Variants in CDH18 observed in about 807,000 individuals in gnomAD.
CDH18 encodes cadherin 18.
A neutral mutation model predicts 67.9 loss-of-function variants in CDH18; 31 were observed. That is an observed-to-expected ratio of 0.46 (90% confidence interval 0.34 to 0.62). The LOEUF (loss-of-function observed/expected upper bound fraction) is 0.62, where lower values mean the gene tolerates loss of function less well. Among genes scored for constraint, CDH18 ranks in the 20% least tolerant of loss-of-function variants. CDH18 has a pLI of 0.01. For synonymous variants in CDH18, 362 were observed against 347.2 expected (o/e 1.04, Z -0.48); for missense variants, 890 against 975.5 (o/e 0.91, Z 1.17).
intron 3 of CDH18, among the ~76,000 whole-genome samples, chr5:19,834,235 A>G (rs1581563010): frequency 6.7e-6 from 1 of 150,126 alleles, no homozygotes; most frequent in African/African-American, 2.5e-5. Flanking sequence ...GACTTAACTT[A>G]TTCCTGGCTT....
chr5:20,493,390 A>G (rs1374836520), intron 1 of CDH18, among the ~76,000 whole-genome samples: 3 of 19,856 alleles, frequency 1.5e-4, no homozygotes, highest in African/African-American at 2.2e-4. Flanking sequence ...AAAAAAGCAA[A>G]GAATTTTTTG....
chr5:20,440,602 A>G (rs768832922), intron 1 of CDH18, among the ~76,000 whole-genome samples: 3 of 152,006 alleles, frequency 2.0e-5, no homozygotes, highest in Non-Finnish European at 2.9e-5. Flanking sequence ...TGCAATGTGG[A>G]GTCAGCAACA....
rs34517461 is a variant in CDH18, at chr5:19,475,192, GCACA to G, written c.1883-1480_1883-1477del. 2.5e-4 allele frequency among the ~76,000 whole-genome samples: 36 copies of G among 146,302 alleles called. No individual in the cohort carries two copies. The East Asian group carries it at 2.8e-3, about 11-fold the overall frequency. ...AAACGTGAATTTGAGATCAATAACAGCACACACACACACACACACACACACATGC... is the reference window on the plus strand; with the variant it reads ...AAACGTGAATTTGAGATCAATAACAGCACACACACACACACACACACATGC... On this transcript the variant is annotated intron_variant, in intron 12 of 12. Transcript: ENST00000382275.
At chr5:20,497,803 C>T (rs900153521) in intron 1 of CDH18, among the ~76,000 whole-genome samples, 1 of 152,104 alleles carries the variant, frequency 6.6e-6, no homozygotes, top group Non-Finnish European at 1.5e-5. Context: ...AAAGCATTTG[C>T]TATACTATGC....
At chr5:19,520,214 C>T (rs1746675658) in intron 10 of CDH18, among the ~76,000 whole-genome samples, 1 of 152,082 alleles carries the variant, frequency 6.6e-6, no homozygotes, top group African/African-American at 2.4e-5. Flanking sequence ...ATATACTCTT[C>T]ATGTTTCTAA....
intron 2 of CDH18, among the ~76,000 whole-genome samples, chr5:20,148,379 G>A (rs1413821798): frequency 3.3e-5 from 5 of 152,132 alleles, no homozygotes; most frequent in African/African-American, 4.8e-5. Context: ...TTACATGCGT[G>A]AGCCACCGTG....
At chr5:19,864,059 C>T (rs1381538992) in intron 2 of CDH18, among the ~76,000 whole-genome samples, 1 of 151,214 alleles carries the variant, frequency 6.6e-6, no homozygotes, top group East Asian at 1.9e-4. Context: ...AATCATGCTG[C>T]TATAAAGACA....
chr5:20,087,820 G>T (rs552115168), intron 2 of CDH18, among the ~76,000 whole-genome samples: 1 of 152,020 alleles, frequency 6.6e-6, no homozygotes, highest in Middle Eastern at 3.4e-3. Flanking sequence ...TTGTTGCAGT[G>T]GTCTGGAACA....
At chr5:20,360,090 ATATATTATATATAATTCTATAATATATG>A (rs1409169916) in intron 1 of CDH18, among the ~76,000 whole-genome samples, 47 of 25,350 alleles carry the variant, frequency 1.9e-3, no homozygotes, top group African/African-American at 3.5e-3. Context: ...AATATATGTT[ATATATTATATATAATTCTATAATATATG>A]TTATATATTA....
chr5:20,194,655 G>C (rs1738822005), intron 2 of CDH18, among the ~76,000 whole-genome samples: 1 of 86,518 alleles, frequency 1.2e-5, no homozygotes, highest in African/African-American at 7.4e-5. Flanking sequence ...AAACTTTGAA[G>C]TAATTTTTTT....
chr5:20,293,319 AAAAAC>A (rs1747246237), intron 1 of CDH18, among the ~76,000 whole-genome samples: 1 of 152,158 alleles, frequency 6.6e-6, no homozygotes, highest in South Asian at 2.1e-4. Context: ...TCCATCTCAA[AAAAAC>A]AAAACAAAAC....
chr5:19,726,233 A>C (rs1460040673), intron 4 of CDH18, among the ~76,000 whole-genome samples: 2 of 152,234 alleles, frequency 1.3e-5, no homozygotes, highest in African/African-American at 4.8e-5. Context: ...GGTGATACTG[A>C]GTAAGTGATT....
At chr5:20,313,179 A>G (rs1737149591) in intron 1 of CDH18, among the ~76,000 whole-genome samples, 1 of 152,120 alleles carries the variant, frequency 6.6e-6, no homozygotes. Flanking sequence ...TATGCAGTCA[A>G]TAGATTTTTC....
rs202130030 is a variant in CDH18 at position 20,419,462 on chromosome 5, G to GTTTTTTTTT, written c.-580+155991_-580+155999dup. ...CCAACCACCCAGGGTATGGGACTCT[G>GTTTTTTTTT]TTTTTTTTTTTTTTTTTTTTTTTTT... On this transcript the variant is annotated intron_variant, in intron 1 of 14. Coordinates refer to the CDH18 transcript ENST00000507958. Among the ~76,000 whole-genome samples the GTTTTTTTTT allele has an allele frequency of 1.5e-3, 114 of 75,640 alleles. 14 individuals carry two copies. The highest frequency in any genetic ancestry group is 3.6e-3 in the African/African-American group (59 of 16,468). 49.6% of individuals were successfully genotyped at this position (75,640 alleles called of 152,430 possible).
intron 1 of CDH18, among the ~76,000 whole-genome samples, chr5:20,264,282 C>T (rs1171707965): frequency 6.6e-6 from 1 of 151,956 alleles, no homozygotes; most frequent in African/African-American, 2.4e-5. Flanking sequence ...TACTAGTTTG[C>T]ATATTGAGTT....
intron 2 of CDH18, among the ~76,000 whole-genome samples, chr5:20,243,648 C>T (rs1430421254): frequency 6.6e-6 from 1 of 151,936 alleles, no homozygotes; most frequent in African/African-American, 2.4e-5. Flanking sequence ...AGAGTCCTAG[C>T]CACCCAAAAA....
intron 7 of CDH18, among the ~76,000 whole-genome samples, chr5:19,579,926 T>C (rs1580318581): frequency 6.6e-6 from 1 of 151,952 alleles, no homozygotes; most frequent in South Asian, 2.1e-4. Context: ...TAATTATTTA[T>C]TGTTTCTAAA....
At chr5:20,572,728 CT>C (rs1758883274) in intron 1 of CDH18, among the ~76,000 whole-genome samples, 1 of 152,064 alleles carries the variant, frequency 6.6e-6, no homozygotes, top group African/African-American at 2.4e-5. Flanking sequence ...GCTCAGATAT[CT>C]ATAAAAACAG....
Position 20,107,480 on chromosome 5 carries a change from TTTTGA to T in CDH18, c.-517-115471_-517-115467del, listed in dbSNP as rs1264042888. 1.1e-4 allele frequency among the ~76,000 whole-genome samples: 16 copies of T among 152,178 alleles called. 1 individual carries two copies. The highest frequency in any genetic ancestry group is 5.9e-5 in the Non-Finnish European group (4 of 68,036). On this transcript the variant is annotated intron_variant, in intron 2 of 14. Coordinates refer to the CDH18 transcript ENST00000507958. ...CTGATCAGAAGGATCCTAGGGGTTG[TTTTGA>T]TTTATCTATATTCTTTATCCACTAT...
Sources: gnomAD v4.1 joint callset for allele counts (sites outside exome capture counted in the v4.1 genomes callset) on GRCh38, gnomAD v4.1.1 for gene constraint, MANE v1.5 for transcripts, NCBI Gene and HGNC (gene_info 2026-07-23, HGNC 2026-07-21) for gene names.